Variants in CALN1 observed in about 807,000 individuals in gnomAD.
The protein encoded by CALN1 is calneuron 1.
Under a neutral mutation model 30.6 loss-of-function variants are expected in CALN1, and 17 were observed. That is an observed-to-expected ratio of 0.56 (90% CI 0.38 to 0.83). CALN1 has a LOEUF of 0.83. Among genes scored for constraint, CALN1 ranks in the 40% least tolerant of loss-of-function variants. The probability of loss-of-function intolerance (pLI) is 0.00; values close to 1 mark genes in which losing one functional copy is unlikely to be tolerated. For missense variants in CALN1, 291 were observed against 354.9 expected (o/e 0.82, Z 1.45); for synonymous variants, 156 against 131.4 (o/e 1.19, Z -1.28).
intron 2 of CALN1, among the ~76,000 whole-genome samples, chr7:72,293,626 G>A (rs975775317): frequency 6.6e-6 from 1 of 152,114 alleles, no homozygotes; most frequent in African/African-American, 2.4e-5. Context: ...TAAGAAAGCA[G>A]GCAGATGACC....
intron 5 of CALN1, among the ~76,000 whole-genome samples, chr7:71,827,359 C>A (rs1328044757): frequency 6.6e-6 from 1 of 152,140 alleles, no homozygotes; most frequent in Non-Finnish European, 1.5e-5. Flanking sequence ...GAGCCAGGAG[C>A]ACAGCAGATG....
chr7:72,260,134 G>C (rs750069247), intron 3 of CALN1, among the ~76,000 whole-genome samples: 7 of 152,190 alleles, frequency 4.6e-5, no homozygotes, highest in Non-Finnish European at 1.0e-4. Flanking sequence ...AGGAGTGTGA[G>C]GCTGCAATGA....
intron 2 of CALN1, chr7:72,336,682 G>C (rs970448988): frequency 2.1e-5 from 21 of 985,228 alleles, no homozygotes; most frequent in Admixed American, 6.2e-5. Flanking sequence ...GGGTAAGCTA[G>C]GGAGCCGGCG....
intron 5 of CALN1, among the ~76,000 whole-genome samples, chr7:71,898,676 A>T (rs1484750567): frequency 1.3e-5 from 2 of 152,210 alleles, no homozygotes; most frequent in Non-Finnish European, 2.9e-5. Context: ...TGGACACGTC[A>T]TAGTAAAACT....
At chr7:72,190,295 G>A (rs1409695379) in intron 3 of CALN1, among the ~76,000 whole-genome samples, 3 of 152,260 alleles carry the variant, frequency 2.0e-5, no homozygotes, top group East Asian at 1.9e-4. Flanking sequence ...GCAGTGAGCC[G>A]AGCCGAGATT....
intron 2 of CALN1, among the ~76,000 whole-genome samples, chr7:72,392,601 C>T (rs1805646807): frequency 6.6e-6 from 1 of 152,162 alleles, no homozygotes; most frequent in Non-Finnish European, 1.5e-5. Context: ...CTGCTAACAG[C>T]AAGACTATTT....
intron 5 of CALN1, among the ~76,000 whole-genome samples, chr7:71,861,864 C>T (rs1290142687): frequency 6.6e-6 from 1 of 151,620 alleles, no homozygotes; most frequent in East Asian, 1.9e-4. Flanking sequence ...TTTACTTTAG[C>T]CTGGTGTAGA....
At chr7:72,336,609 G>T (rs774501008) in intron 2 of CALN1, 32 of 842,424 alleles carry the variant, frequency 3.8e-5, no homozygotes, top group Non-Finnish European at 4.6e-5. Context: ...GCGACAGCCC[G>T]GGGGTTTGGA....
intron 4 of CALN1, among the ~76,000 whole-genome samples, chr7:72,084,573 C>A (rs552909061): frequency 2.0e-5 from 3 of 151,818 alleles, no homozygotes; most frequent in African/African-American, 7.2e-5. Context: ...GTTGGCCAGG[C>A]TGGTCTCAAA....
At chr7:72,482,758 G>GA in the CALN1 span, among the ~76,000 whole-genome samples, 3 of 151,902 alleles carry the variant, frequency 2.0e-5, no homozygotes, top group African/African-American at 7.3e-5. Context: ...TAAATAATAA[G>GA]AAAAAATACA....
chr7:71,892,268 A>G (rs981033882), intron 5 of CALN1, among the ~76,000 whole-genome samples: 3 of 152,042 alleles, frequency 2.0e-5, no homozygotes, highest in East Asian at 3.9e-4. Context: ...TTGGCCATCT[A>G]TTTTTCTGCT....
chr7:72,234,645 T>C (rs991135397), intron 3 of CALN1, among the ~76,000 whole-genome samples: 4 of 152,076 alleles, frequency 2.6e-5, no homozygotes, highest in Non-Finnish European at 5.9e-5. Flanking sequence ...GGGGTTTTAC[T>C]ATGTTGGCCA....
At chr7:72,080,586 A>G (rs1288560736) in intron 4 of CALN1, among the ~76,000 whole-genome samples, 1 of 152,180 alleles carries the variant, frequency 6.6e-6, no homozygotes, top group Non-Finnish European at 1.5e-5. Context: ...AGGATAAGAC[A>G]GTCCCTAGTG....
chr7:72,003,475 G>C (rs567360985), intron 5 of CALN1, among the ~76,000 whole-genome samples: 1 of 152,304 alleles, frequency 6.6e-6, no homozygotes, highest in Admixed American at 6.5e-5. Context: ...CGGCAGGCTA[G>C]AGAGAGAAGC....
rs535546758 is a variant in CALN1 at position 72,042,905 on chromosome 7, A to T, written c.389-19136T>A. Among the ~76,000 whole-genome samples the T allele has an allele frequency of 4.6e-5, 7 of 152,278 alleles. No individual in the cohort carries two copies. The South Asian group carries it at 1.2e-3, about 27-fold the overall frequency. ...AACCAGCTAAGGGCCAACCTTGCAA[A>T]TGTGCCATCCTAAGGATATCTTGCT... On this transcript the variant is annotated intron_variant, in intron 4 of 6. Coordinates refer to ENST00000395275, the MANE Select transcript of CALN1 (RefSeq NM_031468.4).
chr7:71,884,001 C>T (rs998252131), intron 5 of CALN1, among the ~76,000 whole-genome samples: 6 of 152,138 alleles, frequency 3.9e-5, no homozygotes, highest in Non-Finnish European at 7.3e-5. Context: ...GCAATCTCCG[C>T]CTCCCAGGTT....
chr7:72,287,595 C>G (rs964351967), intron 2 of CALN1, among the ~76,000 whole-genome samples: 1 of 151,692 alleles, frequency 6.6e-6, no homozygotes. Flanking sequence ...TACTGGCGCC[C>G]GCCACGACGC....
At chr7:72,053,182 A>AT (rs1802949396) in intron 4 of CALN1, among the ~76,000 whole-genome samples, 1 of 152,182 alleles carries the variant, frequency 6.6e-6, no homozygotes, top group Admixed American at 6.5e-5. Flanking sequence ...GTGAGCCATG[A>AT]TCTCACCACT....
chr7:71,959,759 A>C (rs1243723272), intron 5 of CALN1, among the ~76,000 whole-genome samples: 1 of 152,050 alleles, frequency 6.6e-6, no homozygotes. Context: ...ATAGGACTAG[A>C]ATCTATTTCT....
Sources: allele counts gnomAD v4.1 joint callset (sites outside exome capture counted in the v4.1 genomes callset), GRCh38; gene constraint gnomAD v4.1.1; transcripts MANE v1.5; gene names NCBI Gene and HGNC (gene_info 2026-07-23, HGNC 2026-07-21).